Variants in PPP4R4 observed in about 807,000 individuals in gnomAD.
PPP4R4 encodes protein phosphatase 4 regulatory subunit 4.
A neutral mutation model predicts 121.8 loss-of-function variants in PPP4R4; 70 were observed. The observed-to-expected ratio is 0.57, with a 90% CI of 0.47 to 0.70. PPP4R4 has a LOEUF of 0.70. PPP4R4 is among the 30% of genes least tolerant of loss of function. PPP4R4 has a pLI of 0.00. For synonymous variants in PPP4R4, 348 were observed against 355.7 expected (o/e 0.98, Z 0.24); for missense variants, 875 against 1,033.6 (o/e 0.85, Z 2.10).
At chr14:94,265,331 G>A in intron 20 of PPP4R4, 56 bp from the exon 21 acceptor site, 1 of 1,260,354 alleles carries the variant, frequency 7.9e-7, no homozygotes, top group East Asian at 2.3e-5. Flanking sequence ...GTGTATTTAT[G>A]GAGATTAATA....
rs369067497 is a variant in PPP4R4, at chr14:94,242,373, C to G, written c.1231C>G (p.Pro411Ala). ...FFCLCHDPEVPVRYTIAICFY... is the reference protein window; with the variant it reads ...FFCLCHDPEVAVRYTIAICFY... ...CTGCCTTTGCCATGACCCTGAAGTA[C>G]CAGTCAGATACACTATTGCTATTTG... is the stretch of plus-strand genomic sequence containing the variant. The change falls in exon 11 of 25, where the codon CCA (proline) becomes GCA (alanine). Residue 411 changes from proline to alanine, a missense_variant. By Grantham distance (27) the Pro-to-Ala change is conservative (BLOSUM62 -1). Transcript: ENST00000304338. The G allele has an allele frequency of 2.0e-5, 32 of 1,610,480 alleles. No individual in the cohort carries two copies. The Admixed American group carries it at 2.5e-4, about 13-fold the overall frequency.
chr14:94,259,896 C>T (rs1035644277), intron 19 of PPP4R4, among the ~76,000 whole-genome samples: 1 of 152,154 alleles, frequency 6.6e-6, no homozygotes, highest in Non-Finnish European at 1.5e-5. Context: ...GAAGCCATTC[C>T]TTTTTATTTC....
intron 2 of PPP4R4, among the ~76,000 whole-genome samples, chr14:94,179,160 G>A (rs1888837607): frequency 6.6e-6 from 1 of 152,170 alleles, no homozygotes; most frequent in African/African-American, 2.4e-5. Context: ...AACCATCACT[G>A]CAATCAATTT....
chr14:94,258,395 A>G (rs1028593571), intron 17 of PPP4R4, among the ~76,000 whole-genome samples: 2 of 152,236 alleles, frequency 1.3e-5, no homozygotes, highest in Non-Finnish European at 2.9e-5. Flanking sequence ...ATTAGGCCCC[A>G]TGATGGCTTG....
intron 16 of PPP4R4, among the ~76,000 whole-genome samples, chr14:94,254,807 T>C (rs1236109434): frequency 1.3e-5 from 2 of 152,266 alleles, no homozygotes; most frequent in Non-Finnish European, 2.9e-5. Context: ...TCCTCTGAAA[T>C]GCCTCCTCCT....
intron 7 of PPP4R4, 90 bp downstream of exon 7, chr14:94,234,759 A>G (rs545674839): frequency 2.3e-6 from 2 of 885,290 alleles, no homozygotes; most frequent in Admixed American, 4.3e-5. Flanking sequence ...CATAACAAGT[A>G]CCTCCTCTAT....
At chr14:94,199,289 G>A (rs1302770056) in intron 2 of PPP4R4, among the ~76,000 whole-genome samples, 1 of 152,258 alleles carries the variant, frequency 6.6e-6, no homozygotes, top group African/African-American at 2.4e-5. Flanking sequence ...CGCAGGGCGT[G>A]CAGTGGGGGA....
chr14:94,263,661 A>G (rs994267818), intron 19 of PPP4R4, among the ~76,000 whole-genome samples: 2 of 152,152 alleles, frequency 1.3e-5, no homozygotes, highest in Admixed American at 6.6e-5. Flanking sequence ...AGAACCGCAG[A>G]TAATCCTGAT....
intron 23 of PPP4R4, among the ~76,000 whole-genome samples, chr14:94,268,389 A>G (rs1373507899): frequency 1.3e-5 from 2 of 152,204 alleles, no homozygotes; most frequent in Admixed American, 1.3e-4. Flanking sequence ...AATCATTAAG[A>G]ATATTGATTC....
intron 19 of PPP4R4, among the ~76,000 whole-genome samples, chr14:94,260,199 A>T (rs1404772535): frequency 7.2e-5 from 11 of 152,200 alleles, no homozygotes; most frequent in African/African-American, 2.6e-4. Context: ...GCCGAGGCAG[A>T]CGGATCACGA....
intron 2 of PPP4R4, among the ~76,000 whole-genome samples, chr14:94,208,222 CA>C (rs1890565123): frequency 6.6e-6 from 1 of 151,926 alleles, no homozygotes; most frequent in South Asian, 2.1e-4. Context: ...AAACAATAGA[CA>C]ATCTTGTTTC....
intron 21 of PPP4R4, 49 bp downstream of exon 21, chr14:94,265,522 A>G: frequency 2.0e-6 from 3 of 1,477,284 alleles, no homozygotes; most frequent in Non-Finnish European, 1.9e-6. Flanking sequence ...TCTTCCTTGT[A>G]TACAAATTGC....
In PPP4R4 at chr14:94,275,480, G is replaced by C; in HGVS notation, c.2556G>C (p.Lys852Asn). 6.2e-7 allele frequency: 1 copy of C among 1,614,046 alleles called. No homozygotes were observed. The highest frequency in any genetic ancestry group is 8.5e-7 in the Non-Finnish European group (1 of 1,179,978). The change falls in exon 24 of 25, where the codon AAG (lysine) becomes AAC (asparagine). Residue 852 changes from lysine (K) to asparagine (N), a missense_variant. By Grantham distance (94) the Lys-to-Asn change is moderately conservative. Coordinates refer to ENST00000304338, the MANE Select transcript of PPP4R4 (RefSeq NM_058237.2). ...SRGTGNSVDPKSSGSKDTQPR... is the reference protein window; with the variant it reads ...SRGTGNSVDPNSSGSKDTQPR... The stretch of plus-strand genomic sequence containing the variant: ...GGACAGGTAACTCAGTTGACCCCAA[G>C]AGCAGTGGAAGTAAAGATACACAAC...
In PPP4R4 at chr14:94,230,631, G is replaced by A. The variant is rs114301037; in HGVS notation, c.339G>A (p.Ala113=). 3.6e-3 allele frequency: 5,726 copies of A among 1,612,938 alleles called. 16 individuals carry two copies. Among genetic ancestry groups the A allele is most frequent in the Non-Finnish European group, 4.5e-3 (5,247 of 1,178,972 alleles). ...VAGVEMQLTA[A]MSFLTILQDE... Reference sequence around the variant, plus strand: ...GAGTGGAAATGCAGTTAACGGCTGCGATGTCATTTCTGACCATTCTGCAGG... The same window carrying A: ...GAGTGGAAATGCAGTTAACGGCTGCAATGTCATTTCTGACCATTCTGCAGG... The change falls in exon 4 of 25, where the codon GCG becomes GCA. Residue 113 remains alanine, a synonymous_variant. Coordinates refer to ENST00000304338, the MANE Select transcript of PPP4R4 (RefSeq NM_058237.2).
intron 2 of PPP4R4, among the ~76,000 whole-genome samples, chr14:94,191,001 T>C (rs765236019): frequency 3.3e-5 from 5 of 152,172 alleles, no homozygotes; most frequent in Non-Finnish European, 7.4e-5. Flanking sequence ...TAACAATTAT[T>C]CTTCCATGTA....
intron 2 of PPP4R4, among the ~76,000 whole-genome samples, chr14:94,186,521 A>C (rs968092142): frequency 8.5e-5 from 13 of 152,186 alleles, no homozygotes; most frequent in Non-Finnish European, 1.9e-4. Flanking sequence ...ACATTTGGGT[A>C]ATTTTCAGTT....
intron 23 of PPP4R4, 116 bp downstream of exon 23, chr14:94,267,145 T>C: frequency 1.6e-6 from 1 of 616,686 alleles, no homozygotes; most frequent in Non-Finnish European, 2.7e-6. Context: ...TAAATCTTTA[T>C]CAGGTCCCTA....
At position 94,233,606 on chromosome 14, in the gene PPP4R4, G is replaced by A. The variant is rs201800867; in HGVS notation, c.517-47G>A. 36 of 1,199,284 alleles carry A rather than the reference G, an allele frequency of 3.0e-5. No homozygotes were observed. The East Asian group carries it at 5.2e-4, about 17-fold the overall frequency. The allele number at this position is 1,199,284 out of a possible 1,614,324, so 74.3% of individuals were successfully genotyped here. The stretch of plus-strand genomic sequence containing the variant: ...AAGGAATAGCTGACATGAGTGGCAT[G>A]AATGTATAAAATTTTGTGAATTTTT... On this transcript the variant is annotated intron_variant, in intron 5 of 24. Transcript: ENST00000304338.
At chr14:94,215,695 G>A (rs967594713) in intron 3 of PPP4R4, among the ~76,000 whole-genome samples, 3 of 152,154 alleles carry the variant, frequency 2.0e-5, no homozygotes, top group African/African-American at 7.2e-5. Flanking sequence ...GAAAATAAAA[G>A]TATTAATGAA....
Sources: allele counts gnomAD v4.1 joint callset (sites outside exome capture counted in the v4.1 genomes callset), GRCh38; gene constraint gnomAD v4.1.1; transcripts MANE v1.5; gene names NCBI Gene and HGNC (gene_info 2026-07-23, HGNC 2026-07-21).